CEP68: variants seen among roughly 807,000 people sequenced by gnomAD.
CEP68 encodes centrosomal protein 68.
In CEP68, 26 loss-of-function variants were observed where a neutral mutation model predicts 55.3. The observed-to-expected ratio is 0.47, with a 90% CI of 0.34 to 0.65. CEP68 has a LOEUF of 0.65. Ranked by LOEUF, CEP68 falls within the 30% of genes least tolerant of loss-of-function variation. The probability of loss-of-function intolerance (pLI) is 0.01; values close to 1 mark genes in which losing one functional copy is unlikely to be tolerated. For missense variants in CEP68, 957 were observed against 946.7 expected (o/e 1.01, Z -0.14); for synonymous variants, 402 against 383.2 (o/e 1.05, Z -0.57).
At chr2:65,080,258 G>A (rs1676947599) in intron 5 of CEP68, 6 of 985,174 alleles carry the variant, frequency 6.1e-6, no homozygotes, top group Non-Finnish European at 7.2e-6. Context: ...TGGCTTTGGG[G>A]TTTTCTTTGG....
Position 65,071,789 on chromosome 2 carries a change from C to T in CEP68, c.693C>T (p.Val231=), listed in dbSNP as rs150735181. ...LAKVSSSLEP[V]VPQEPSSVVG... Reference sequence around the variant, plus strand: ...AGGTCTCCTCCTCCCTGGAGCCGGTCGTCCCCCAGGAACCTTCCTCTGTGG... The same window carrying T: ...AGGTCTCCTCCTCCCTGGAGCCGGTTGTCCCCCAGGAACCTTCCTCTGTGG... Residue 231 remains valine (V), a synonymous_variant, in exon 3 of 7, where the codon GTC becomes GTT. Transcript: ENST00000377990. The T allele has an allele frequency of 7.3e-5, 118 of 1,610,796 alleles. No individual in the cohort carries two copies. In the African/African-American group the frequency reaches 1.3e-3, roughly 17 times the overall value.
In CEP68 at chr2:65,086,568, T is replaced by C. The variant is rs1669033196; in HGVS notation, c.*2934T>C. On this transcript the variant is annotated 3_prime_UTR_variant, in exon 7 of 7. Transcript: ENST00000377990. ...TGTAAATATGCTCATCTTAAGTTCA[T>C]GTAATGTTTCCGCTAACTCACCAAG... The C allele has an allele frequency of 6.6e-6, 1 of 152,362 alleles. No homozygotes were observed. The highest frequency in any genetic ancestry group is 3.4e-3 in the Middle Eastern group (1 of 294). 9.4% of individuals were successfully genotyped at this position (152,362 alleles called of 1,614,324 possible).
At chr2:65,077,718 T>G in intron 4 of CEP68, 150 bp from the exon 5 acceptor site, 1 of 542,104 alleles carries the variant, frequency 1.8e-6, no homozygotes, top group South Asian at 2.5e-5. Context: ...ACTGTTGCAC[T>G]GTTTACTTGG....
intron 1 of CEP68, among the ~76,000 whole-genome samples, chr2:65,062,784 C>T (rs1271984674): frequency 6.6e-6 from 1 of 152,080 alleles, no homozygotes; most frequent in African/African-American, 2.4e-5. Flanking sequence ...TTGTAGTGAG[C>T]CAAGATCGTG....
Position 65,072,570 on chromosome 2 carries a change from G to A in CEP68, c.1474G>A (p.Val492Ile). 3.1e-6 allele frequency: 5 copies of A among 1,614,134 alleles called. No homozygotes were observed. The highest frequency in any genetic ancestry group is 4.2e-6 in the Non-Finnish European group (5 of 1,180,014). Residue 492 changes from valine (V) to isoleucine (I), a missense_variant, in exon 3 of 7, where the codon GTT (valine) becomes ATT (isoleucine). Val to Ile is a conservative substitution (Grantham distance 29). Coordinates refer to ENST00000377990, the MANE Select transcript of CEP68 (RefSeq NM_015147.3). Reference sequence around the variant, plus strand: ...TGCCCTCCCCGCTCGGCTGACACAGGTTTCTAGCCTGGTTTCGTATCTAGG... The same window carrying A: ...TGCCCTCCCCGCTCGGCTGACACAGATTTCTAGCCTGGTTTCGTATCTAGG... Reference protein sequence around the residue: ...YLALPARLTQVSSLVSYLGSI... With the variant: ...YLALPARLTQISSLVSYLGSI...
In CEP68 at chr2:65,059,630, G is replaced by T. The variant is rs1420742864; in HGVS notation, c.-47+3102G>T. ...AGGGCCATAAATTTTCTTCTTGTGT[G>T]TGGCTGGCATATAGGCACCCAAGGA... On this transcript the variant is annotated intron_variant, in intron 1 of 6. Coordinates refer to ENST00000377990, the MANE Select transcript of CEP68 (RefSeq NM_015147.3). Among the ~76,000 whole-genome samples the T allele has an allele frequency of 5.3e-5, 8 of 152,300 alleles. No individual in the cohort carries two copies. In the East Asian group the frequency reaches 1.5e-3, roughly 29 times the overall value.
chr2:65,072,158 C>T lies in CEP68; in HGVS notation c.1062C>T (p.Ser354=). 6.2e-7 allele frequency: 1 copy of T among 1,614,082 alleles called. No individual in the cohort carries two copies. ...ASTLKSPTNV[S]PNCPPAEATA... is the part of the protein sequence containing the mutation. ...CCCTCAAATCACCTACTAATGTCTC[C>T]CCCAACTGCCCACCAGCAGAGGCCA... Residue 354 remains serine, a synonymous_variant, in exon 3 of 7, where the codon TCC becomes TCT. Transcript: ENST00000377990.
Position 65,084,717 on chromosome 2 carries a change from T to C in CEP68, c.*1083T>C, listed in dbSNP as rs184166073. 2.1e-3 allele frequency: 323 copies of C among 152,336 alleles called. 2 individuals are homozygous for C. The highest frequency in any genetic ancestry group is 7.5e-3 in the African/African-American group (310 of 41,576). The allele number at this position is 152,336 out of a possible 1,614,324, so 9.4% of individuals were successfully genotyped here. ...CTAAAGTCCTATTATTAATGTGACTTTTCTGCTTCAGAATTTCTGAGACTT... is the reference window on the plus strand; with the variant it reads ...CTAAAGTCCTATTATTAATGTGACTCTTCTGCTTCAGAATTTCTGAGACTT... On this transcript the variant is annotated 3_prime_UTR_variant, in exon 7 of 7. Coordinates refer to ENST00000377990, the MANE Select transcript of CEP68 (RefSeq NM_015147.3).
At chr2:65,058,600 G>A (rs2723081) in intron 1 of CEP68, among the ~76,000 whole-genome samples, 1 of 134,380 alleles carries the variant, frequency 7.4e-6, no homozygotes, top group African/African-American at 2.8e-5. Context: ...TCTTCCTCCC[G>A]GGTTCAAGCA....
intron 3 of CEP68, chr2:65,073,922 G>A (rs1269111822): frequency 2.5e-5 from 5 of 203,852 alleles, no homozygotes; most frequent in Admixed American, 5.4e-5. Context: ...TTTATTTTAC[G>A]TTCACTTTTC....
rs113933683 is a variant in CEP68 at position 65,058,088 on chromosome 2, T to C, written c.-47+1560T>C. Among the ~76,000 whole-genome samples, 704 of 146,012 alleles carry C rather than the reference T, an allele frequency of 4.8e-3. 8 individuals are homozygous for C. Among genetic ancestry groups the C allele is most frequent in the African/African-American group, 0.017 (678 of 40,824 alleles). On this transcript the variant is annotated intron_variant, in intron 1 of 6. Transcript: ENST00000377990. ...TTCCTGGCACAAAGAAAATGATCAG[T>C]AGCTGTTAGCTGTTAGCAGTCGTTA...
rs1276796087 is a variant in CEP68, at chr2:65,072,791, C to T, written c.1695C>T (p.Ala565=). 4.4e-5 allele frequency: 71 copies of T among 1,614,052 alleles called. No homozygotes were observed. Among genetic ancestry groups the T allele is most frequent in the Non-Finnish European group, 5.7e-5 (67 of 1,180,038 alleles). The change falls in exon 3 of 7, where the codon GCC becomes GCT. Residue 565 remains alanine (A), a synonymous_variant. Transcript: ENST00000377990. ...GTTTCCTGCGCTCCTTCGTCCGTGC[C>T]CACGACTCCGCAGGGGAAGGCAGTC... is the stretch of plus-strand genomic sequence containing the variant. The part of the protein sequence containing the change: ...NPCFLRSFVR[A]HDSAGEGSLG...
chr2:65,058,570 A>C (rs1418570697), intron 1 of CEP68, among the ~76,000 whole-genome samples: 7 of 129,844 alleles, frequency 5.4e-5, no homozygotes, highest in Non-Finnish European at 1.1e-4. Flanking sequence ...GCAATGGCAC[A>C]GTCTCAGCTC....
intron 6 of CEP68, 77 bp downstream of exon 6, chr2:65,082,786 G>A: frequency 4.9e-6 from 6 of 1,235,108 alleles, no homozygotes; most frequent in Non-Finnish European, 6.6e-6. Flanking sequence ...GAAGCTTGTT[G>A]AGCCAAGAAC....
chr2:65,075,267 A>AC (rs1558565972), intron 4 of CEP68: 2 of 151,906 alleles, frequency 1.3e-5, no homozygotes, highest in Non-Finnish European at 2.9e-5. Flanking sequence ...AAAAAAAAAA[A>AC]AAAACATAAA....
At position 65,085,180 on chromosome 2, in the gene CEP68, A is replaced by G. The variant is rs1215246120; in HGVS notation, c.*1546A>G. 2 of 152,188 alleles carry G rather than the reference A, an allele frequency of 1.3e-5. No individual in the cohort carries two copies. Among genetic ancestry groups the G allele is most frequent in the Non-Finnish European group, 2.9e-5 (2 of 68,028 alleles). The allele number at this position is 152,188 out of a possible 1,614,324, so 9.4% of individuals were successfully genotyped here. ...TTTACTAATATTTGACAGGCATAGA[A>G]GTGTATTAATTAGCATAAAAGTTGG... On this transcript the variant is annotated 3_prime_UTR_variant, in exon 7 of 7. Transcript: ENST00000377990.
At chr2:65,057,050 A>C (rs1338945651) in intron 1 of CEP68, among the ~76,000 whole-genome samples, 1 of 152,080 alleles carries the variant, frequency 6.6e-6, no homozygotes, top group East Asian at 1.9e-4. Flanking sequence ...GAAAAAATCA[A>C]GATGTCTCAT....
chr2:65,069,211 G>C (rs1017154652), intron 1 of CEP68, among the ~76,000 whole-genome samples, 188 bp from the exon 2 acceptor site: 3 of 152,258 alleles, frequency 2.0e-5, no homozygotes, highest in African/African-American at 7.2e-5. Flanking sequence ...GTGTGCTTCT[G>C]TGTCCCCTTT....
chr2:65,069,028 C>G (rs1676331159), intron 1 of CEP68, among the ~76,000 whole-genome samples: 1 of 152,096 alleles, frequency 6.6e-6, no homozygotes, highest in African/African-American at 2.4e-5. Context: ...CACTATGGGC[C>G]TGTGCACAGG....
Sources: allele counts gnomAD v4.1 joint callset (sites outside exome capture counted in the v4.1 genomes callset), GRCh38; gene constraint gnomAD v4.1.1; transcripts MANE v1.5; gene names NCBI Gene and HGNC (gene_info 2026-07-23, HGNC 2026-07-21).